RGS20: variants seen among roughly 807,000 people sequenced by gnomAD.
RGS20 encodes the protein regulator of G protein signaling 20.
Under a neutral mutation model 33.6 loss-of-function variants are expected in RGS20, and 30 were observed. The ratio of observed to expected loss-of-function variants is 0.89; its 90% CI spans 0.67 to 1.21. The LOEUF (loss-of-function observed/expected upper bound fraction) is 1.21. Ranked by LOEUF, RGS20 falls within the 50% of genes most tolerant of loss-of-function variation. RGS20 has a pLI of 0.00. For synonymous variants in RGS20, 208 were observed against 197.9 expected (o/e 1.05, Z -0.43); for missense variants, 472 against 502.4 (o/e 0.94, Z 0.58).
intron 1 of RGS20, chr8:53,852,143 A>G: frequency 7.6e-7 from 1 of 1,310,340 alleles, no homozygotes; most frequent in Non-Finnish European, 1.0e-6. Context: ...AACTATACTC[A>G]AGCTTTAGTG....
intron 2 of RGS20, among the ~76,000 whole-genome samples, chr8:53,894,236 A>G (rs909172831): frequency 6.6e-6 from 1 of 152,210 alleles, no homozygotes; most frequent in Non-Finnish European, 1.5e-5. Context: ...CAAAGCGCAT[A>G]ACCACTGAAC....
intron 5 of RGS20, 75 bp downstream of exon 4, chr8:53,954,385 C>A (rs1349369620): frequency 2.0e-6 from 2 of 997,520 alleles, no homozygotes; most frequent in East Asian, 5.1e-5. Context: ...TGCCATAGGC[C>A]GGGCACAGTG....
At chr8:53,900,346 T>A (rs1812980553) in intron 2 of RGS20, among the ~76,000 whole-genome samples, 1 of 152,110 alleles carries the variant, frequency 6.6e-6, no homozygotes, top group Non-Finnish European at 1.5e-5. Flanking sequence ...CTCACTATGT[T>A]GCCCAGGCTG....
intron 1 of RGS20, among the ~76,000 whole-genome samples, chr8:53,862,991 T>G (rs2129268466): frequency 6.6e-6 from 1 of 152,232 alleles, no homozygotes; most frequent in East Asian, 1.9e-4. Context: ...TTTTCTTTTC[T>G]TTTCTTTTGT....
chr8:53,871,094 G>C (rs142078526), intron 1 of RGS20, among the ~76,000 whole-genome samples: 11 of 110,770 alleles, frequency 9.9e-5, no homozygotes, highest in African/African-American at 3.9e-4. Flanking sequence ...CTGGGTGACA[G>C]AGTGAGACTC....
chr8:53,869,935 G>A (rs1411349450), intron 1 of RGS20, among the ~76,000 whole-genome samples: 1 of 152,076 alleles, frequency 6.6e-6, no homozygotes, highest in Non-Finnish European at 1.5e-5. Context: ...GGACTTGTGT[G>A]GTTTGAACTT....
At chr8:53,890,220 C>T (rs72655192) in intron 2 of RGS20, among the ~76,000 whole-genome samples, 2,496 of 152,192 alleles carry the variant, frequency 0.016, 38 homozygotes, top group Non-Finnish European at 0.02. Context: ...AAGCTGTCTT[C>T]CTCTGTGCCT....
chr8:53,950,092 G>A (rs139512938), intron 4 of RGS20, among the ~76,000 whole-genome samples: 353 of 152,102 alleles, frequency 2.3e-3, no homozygotes, highest in African/African-American at 8.1e-3. Context: ...CGCCCACCTC[G>A]TTCTCCCAAA....
chr8:53,900,342 A>C (rs903311434), intron 2 of RGS20, among the ~76,000 whole-genome samples: 8 of 151,910 alleles, frequency 5.3e-5, no homozygotes, highest in South Asian at 4.2e-4. Context: ...GGGTCTCACT[A>C]TGTTGCCCAG....
intron 2 of RGS20, among the ~76,000 whole-genome samples, chr8:53,932,892 G>C (rs1271937910): frequency 3.9e-5 from 6 of 152,170 alleles, no homozygotes; most frequent in Non-Finnish European, 1.5e-5. Flanking sequence ...GCCTCTGGTG[G>C]GTGCCCCTCT....
chr8:53,883,941 C>T (rs1316602683), intron 2 of RGS20, among the ~76,000 whole-genome samples: 9 of 145,722 alleles, frequency 6.2e-5, no homozygotes, highest in Non-Finnish European at 1.0e-4. Flanking sequence ...AGCAAAACTC[C>T]GTCTCAAAAA....
At chr8:53,931,853 G>T (rs897474301) in intron 2 of RGS20, among the ~76,000 whole-genome samples, 1 of 151,998 alleles carries the variant, frequency 6.6e-6, no homozygotes, top group South Asian at 2.1e-4. Flanking sequence ...GTGCCATAAG[G>T]GACAGAGCAC....
chr8:53,890,476 G>A (rs1032997364), intron 2 of RGS20, among the ~76,000 whole-genome samples: 2 of 151,942 alleles, frequency 1.3e-5, no homozygotes, highest in Admixed American at 1.3e-4. Flanking sequence ...TTTATTATAT[G>A]TAGACATTGT....
chr8:53,856,405 G>A (rs1480093546), intron 1 of RGS20, among the ~76,000 whole-genome samples: 1 of 152,006 alleles, frequency 6.6e-6, no homozygotes, highest in African/African-American at 2.4e-5. Flanking sequence ...TTTTAGTACA[G>A]ACAGGGTTTC....
chr8:53,882,330 A>C (rs1175519211), intron 2 of RGS20, among the ~76,000 whole-genome samples: 1 of 152,140 alleles, frequency 6.6e-6, no homozygotes, highest in African/African-American at 2.4e-5. Context: ...ACTGAGGTGC[A>C]TCGTGAGCTT....
chr8:53,880,570 G>T (rs1423407174), intron 2 of RGS20, among the ~76,000 whole-genome samples: 4 of 152,182 alleles, frequency 2.6e-5, no homozygotes, highest in African/African-American at 9.6e-5. Context: ...CTTCATTCAC[G>T]AGGTCCGAGC....
intron 1 of RGS20, among the ~76,000 whole-genome samples, chr8:53,855,966 AG>A (rs1244935964): frequency 2.0e-5 from 3 of 152,150 alleles, no homozygotes; most frequent in African/African-American, 7.2e-5. Context: ...GTCAGCTGAG[AG>A]GTGATTTGAA....
In RGS20 at chr8:53,921,543, C is replaced by G. The variant is rs1813646892; in HGVS notation, c.511-18033C>G. 2.0e-5 allele frequency among the ~76,000 whole-genome samples: 3 copies of G among 151,078 alleles called. No individual in the cohort carries two copies. The East Asian group carries it at 5.8e-4, about 29-fold the overall frequency. Reference sequence around the variant, plus strand: ...ACCAATCTCTTTACTTGTTAAAGTTCCATTTAGATTTTTTCTTCTTTAGTT... The same window carrying G: ...ACCAATCTCTTTACTTGTTAAAGTTGCATTTAGATTTTTTCTTCTTTAGTT... On this transcript the variant is annotated intron_variant, in intron 2 of 5. Transcript: ENST00000297313.
chr8:53,957,107 T>C (rs1814890160), intron 5 of RGS20, among the ~76,000 whole-genome samples: 1 of 152,248 alleles, frequency 6.6e-6, no homozygotes, highest in East Asian at 1.9e-4. Flanking sequence ...CCCACAGCTA[T>C]ACAGTGACAG....
Sources: allele counts gnomAD v4.1 joint callset (sites outside exome capture counted in the v4.1 genomes callset), GRCh38; gene constraint gnomAD v4.1.1; transcripts MANE v1.5; gene names NCBI Gene and HGNC (gene_info 2026-07-23, HGNC 2026-07-21).